The following LAMA2 variants were observed in gnomAD, a reference collection of about 807,000 sequenced individuals.
LAMA2 encodes laminin subunit alpha-2.
LAMA2 carries 269 observed loss-of-function variants against 364.8 expected under a neutral mutation model. The observed-to-expected ratio is 0.74, with a 90% CI of 0.67 to 0.82. The LOEUF (loss-of-function observed/expected upper bound fraction) is 0.82. Among genes scored for constraint, LAMA2 ranks in the 40% least tolerant of loss-of-function variants. The pLI, the probability that LAMA2 is intolerant of heterozygous loss-of-function variation, is 0.00. For synonymous variants in LAMA2, 1,379 were observed against 1,370.6 expected (o/e 1.01, Z -0.14); for missense variants, 3,807 against 3,873.2 (o/e 0.98, Z 0.45).
chr6:128,986,940 T>G (rs1354200868), intron 1 of LAMA2, among the ~76,000 whole-genome samples: 1 of 152,050 alleles, frequency 6.6e-6, no homozygotes, highest in Non-Finnish European at 1.5e-5. Flanking sequence ...TCTTCCTCAC[T>G]AATGTGTAAC....
At chr6:129,088,164 C>T (rs9492228) in intron 3 of LAMA2, among the ~76,000 whole-genome samples, 15,467 of 140,884 alleles carry the variant, frequency 0.11, 3,093 homozygotes, top group African/African-American at 0.39. Context: ...TTAATCCATT[C>T]AACCCTGAGT....
chr6:129,032,171 G>T (rs556935873), intron 1 of LAMA2, among the ~76,000 whole-genome samples: 5 of 152,284 alleles, frequency 3.3e-5, no homozygotes, highest in African/African-American at 1.2e-4. Context: ...CCCTGTGGTA[G>T]GCTCTGAGAA....
At chr6:129,371,233 C>T (rs1464352976) in intron 34 of LAMA2, among the ~76,000 whole-genome samples, 4 of 139,074 alleles carry the variant, frequency 2.9e-5, no homozygotes, top group Non-Finnish European at 4.7e-5. Context: ...AATCTGTCTT[C>T]AAAGAACTTT....
rs190410278 is a variant in LAMA2 at position 129,500,603 on chromosome 6, C to T, written c.8245-2056C>T. On this transcript the variant is annotated intron_variant, in intron 58 of 64. Coordinates refer to ENST00000421865, the MANE Select transcript of LAMA2 (RefSeq NM_000426.4). ...ATTCTTAAAAGAACTTTGACAAAGT[C>T]CCTGTCCTTTTCTGGTCAAAGGTTT... 3.9e-3 allele frequency among the ~76,000 whole-genome samples: 588 copies of T among 152,304 alleles called. 2 individuals are homozygous for T. Among genetic ancestry groups the T allele is most frequent in the Admixed American group, 5.3e-3 (81 of 15,304 alleles).
chr6:128,907,331 C>T (rs2114439249), intron 1 of LAMA2, among the ~76,000 whole-genome samples: 1 of 146,302 alleles, frequency 6.8e-6, no homozygotes, highest in Admixed American at 6.8e-5. Context: ...GTTTGTAGTT[C>T]TCCTTGAAGA....
intron 1 of LAMA2, among the ~76,000 whole-genome samples, chr6:129,022,518 G>A (rs1342492221): frequency 1.3e-5 from 2 of 152,082 alleles, no homozygotes; most frequent in East Asian, 1.9e-4. Context: ...TTAAGAAATT[G>A]TACTTTAATC....
At chr6:129,321,306 T>A (rs1774951941) in intron 28 of LAMA2, among the ~76,000 whole-genome samples, 1 of 152,200 alleles carries the variant, frequency 6.6e-6, no homozygotes, top group Non-Finnish European at 1.5e-5. Flanking sequence ...GTGGAATGAA[T>A]AGATGAGAAA....
chr6:129,259,421 T>C (rs1053031475), intron 14 of LAMA2, among the ~76,000 whole-genome samples: 1 of 152,060 alleles, frequency 6.6e-6, no homozygotes, highest in Admixed American at 6.6e-5. Flanking sequence ...GCTTCTTTCT[T>C]ATGGTTACAA....
chr6:129,198,385 A>G (rs1046365900), intron 12 of LAMA2, among the ~76,000 whole-genome samples: 2 of 152,208 alleles, frequency 1.3e-5, no homozygotes, highest in Non-Finnish European at 1.5e-5. Flanking sequence ...AGATGTGTCT[A>G]TAGCCCATTC....
chr6:129,037,775 T>C (rs1286386649), intron 1 of LAMA2, among the ~76,000 whole-genome samples: 2 of 151,622 alleles, frequency 1.3e-5, no homozygotes, highest in African/African-American at 4.8e-5. Context: ...GTTCACGCCA[T>C]TCTCCCGCCT....
chr6:129,205,532 ACG>A (rs1407889796), intron 12 of LAMA2, among the ~76,000 whole-genome samples: 4 of 147,340 alleles, frequency 2.7e-5, no homozygotes, highest in Admixed American at 6.7e-5. Context: ...ACACACACAC[ACG>A]TGTGTGAAAT....
chr6:129,437,820 A>C (rs1781908302), intron 41 of LAMA2, among the ~76,000 whole-genome samples: 1 of 151,986 alleles, frequency 6.6e-6, no homozygotes, highest in East Asian at 1.9e-4. Context: ...ATATCAACAG[A>C]TTGGATCTTT....
chr6:129,453,101 C>A lies in LAMA2; in HGVS notation c.6543C>A (p.Asn2181Lys), dbSNP rs373017804. The A allele has an allele frequency of 3.4e-5, 55 of 1,612,856 alleles. No homozygotes were observed. The highest frequency in any genetic ancestry group is 4.6e-5 in the Non-Finnish European group (54 of 1,179,422). The change falls in exon 46 of 65, where the codon AAC (asparagine) becomes AAA (lysine). Residue 2181 changes from asparagine to lysine, a missense_variant. This residue lies in a region of LAMA2 where 3,333 missense variants were observed against 3,345.7 expected (regional missense o/e 1.00). Transcript: ENST00000421865. ...VVNVKTAVAD[N>K]LLFYLGSAKF... ...ACGTAAAGACAGCTGTTGCTGATAA[C>A]CTCCTCTTTTATCTTGGAAGTGCCA...
chr6:129,286,645 T>TTTATATAATATATATAATAATATATAA (rs1789176797), intron 18 of LAMA2, among the ~76,000 whole-genome samples: 1 of 84,212 alleles, frequency 1.2e-5, no homozygotes, highest in African/African-American at 6.5e-5. Flanking sequence ...ATATAATATA[T>TTTATATAATATATATAATAATATATAA]TATATTTATA....
At chr6:129,276,639 T>C (rs1202423230) in intron 17 of LAMA2, among the ~76,000 whole-genome samples, 1 of 152,178 alleles carries the variant, frequency 6.6e-6, no homozygotes, top group Admixed American at 6.6e-5. Flanking sequence ...GGCTTCTGGC[T>C]GCTCTGAATC....
chr6:129,483,726 A>C (rs989142696), intron 55 of LAMA2, among the ~76,000 whole-genome samples: 1 of 152,206 alleles, frequency 6.6e-6, no homozygotes, highest in African/African-American at 2.4e-5. Context: ...TTAGAAGGTA[A>C]AGTTTTGTAT....
rs1027480691 is a variant in LAMA2, at chr6:128,883,450, GC to G, written c.112+95del. The G allele has an allele frequency of 2.0e-5, 30 of 1,536,096 alleles. No individual in the cohort carries two copies. In the African/African-American group the frequency reaches 3.8e-4, roughly 20 times the overall value. On this transcript the variant is annotated intron_variant, in intron 1 of 64. Coordinates refer to ENST00000421865, the MANE Select transcript of LAMA2 (RefSeq NM_000426.4). ...TTCCGAGAGTTGCTGTCTGTGGACTGCCGTCTTGCTTCGCCTTCAGAGAGTG... is the reference window on the plus strand; with the variant it reads ...TTCCGAGAGTTGCTGTCTGTGGACTGCGTCTTGCTTCGCCTTCAGAGAGTG...
intron 41 of LAMA2, 87 bp downstream of exon 41, chr6:129,427,941 T>A (rs1781406331): frequency 1.2e-6 from 1 of 859,516 alleles, no homozygotes; most frequent in East Asian, 2.5e-5. Context: ...AGAATGTAAT[T>A]TCTTTAGCAT....
chr6:129,312,718 T>C, intron 22 of LAMA2, 143 bp from the exon 23 acceptor site: 1 of 689,250 alleles, frequency 1.5e-6, no homozygotes. Flanking sequence ...GTTTCCCAAG[T>C]GACTAAACTA....
Sources: gnomAD v4.1 joint callset for allele counts (sites outside exome capture counted in the v4.1 genomes callset) on GRCh38, gnomAD v4.1.1 for gene constraint, gnomAD v4.1.1 regional missense constraint, MANE v1.5 for transcripts, NCBI Gene and HGNC (gene_info 2026-07-23, HGNC 2026-07-21) for gene names.